The following ADARB1 variants were observed in gnomAD, a reference collection of about 807,000 sequenced individuals.
The protein encoded by ADARB1 is double-stranded RNA-specific editase 1.
Under a neutral mutation model 52.4 loss-of-function variants are expected in ADARB1, and 10 were observed. The observed-to-expected ratio is 0.19, with a 90% CI of 0.12 to 0.32. The LOEUF is 0.32. Ranked by LOEUF, ADARB1 falls within the 10% of genes least tolerant of loss-of-function variation. ADARB1 has a pLI of 1.00. For synonymous variants in ADARB1, 349 were observed against 371.1 expected, an observed-to-expected ratio of 0.94 and a Z score of 0.68; for missense variants, 643 against 922.3, an observed-to-expected ratio of 0.70 and a Z score of 3.92.
At chr21:45,125,405 G>A (rs1490885379) in intron 1 of ADARB1, among the ~76,000 whole-genome samples, 2 of 152,314 alleles carry the variant, frequency 1.3e-5, no homozygotes, top group African/African-American at 4.8e-5. Context: ...GCTGGCTCCC[G>A]CCTGGGGCTG....
At chr21:45,167,085 A>G (rs1336708867) in intron 2 of ADARB1, among the ~76,000 whole-genome samples, 1 of 152,206 alleles carries the variant, frequency 6.6e-6, no homozygotes, top group Non-Finnish European at 1.5e-5. Flanking sequence ...GCATTCGTCA[A>G]AACTGAAAAC....
intron 2 of ADARB1, chr21:45,145,227 AT>A (rs1276087067): frequency 6.6e-6 from 1 of 152,208 alleles, no homozygotes; most frequent in African/African-American, 2.4e-5. Context: ...CTGAAAGGAG[AT>A]TTTTATTACT....
intron 1 of ADARB1, among the ~76,000 whole-genome samples, chr21:45,075,645 G>A (rs983911500): frequency 2.0e-5 from 3 of 152,236 alleles, no homozygotes; most frequent in Admixed American, 6.5e-5. Context: ...ATGGGTGCGA[G>A]GGAAGGTGTC....
intron 2 of ADARB1, among the ~76,000 whole-genome samples, chr21:45,133,913 C>T (rs1182651939): frequency 8.6e-6 from 1 of 116,948 alleles, no homozygotes; most frequent in Non-Finnish European, 1.8e-5. Context: ...GGTGTGTGCC[C>T]GACAGTGGTG....
intron 6 of ADARB1, 39 bp downstream of exon 6, chr21:45,182,792 T>A (rs1163021670): frequency 3.3e-6 from 5 of 1,500,404 alleles, no homozygotes; most frequent in South Asian, 1.3e-5. Flanking sequence ...AAGCTCTTTT[T>A]AAAAAATATT....
intron 7 of ADARB1, 81 bp from the exon 8 acceptor site, chr21:45,184,842 A>T: frequency 7.2e-7 from 1 of 1,390,568 alleles, no homozygotes; most frequent in Non-Finnish European, 9.9e-7. Flanking sequence ...TTAAATTTAT[A>T]AGCTATTGTT....
rs945417875 is a variant in ADARB1, at chr21:45,183,410, G to C, written c.1296G>C (p.Gly432=). Residue 432 remains glycine, a synonymous_variant, in exon 7 of 11, where the codon GGG becomes GGC. Coordinates refer to ENST00000348831, the MANE Select transcript of ADARB1 (RefSeq NM_001112.4). The part of the protein sequence containing the change: ...KRSIFQKSER[G]GFRLKENVQF... The stretch of plus-strand genomic sequence containing the variant: ...CCATCTTTCAGAAATCAGAGCGAGG[G>C]GGGTTTAGGCTGAAGGAGAATGTCC... The C allele has an allele frequency of 5.0e-6, 8 of 1,608,636 alleles. No individual in the cohort carries two copies. The highest frequency in any genetic ancestry group is 6.8e-6 in the Non-Finnish European group (8 of 1,178,508).
Position 45,147,567 on chromosome 21 carries a change from A to C in ADARB1, c.-48+18994A>C, listed in dbSNP as rs185335409. On this transcript the variant is annotated intron_variant, in intron 2 of 10. Coordinates refer to ENST00000348831, the MANE Select transcript of ADARB1 (RefSeq NM_001112.4). ...ACTGGAGAGAGAAGGGGGTGGTCTG[A>C]TGTTTTCCACACGCCTCTTTTACCA... 1.5e-3 allele frequency among the ~76,000 whole-genome samples: 228 copies of C among 152,226 alleles called. 4 individuals carry two copies. The highest frequency in any genetic ancestry group is 4.4e-4 in the Non-Finnish European group (30 of 68,020).
chr21:45,109,245 G>A (rs534322814), intron 1 of ADARB1, among the ~76,000 whole-genome samples: 12 of 132,326 alleles, frequency 9.1e-5, no homozygotes, highest in Admixed American at 3.1e-4. Context: ...ATGTGTGTGC[G>A]CGCGTGTGCG....
chr21:45,210,234 T>C (rs978692052), intron 9 of ADARB1, among the ~76,000 whole-genome samples: 2 of 152,236 alleles, frequency 1.3e-5, no homozygotes, highest in African/African-American at 4.8e-5. Context: ...TGATTGGAAC[T>C]GTCTAGAAAA....
At chr21:45,081,725 C>T (rs567543106) in intron 1 of ADARB1, among the ~76,000 whole-genome samples, 28 of 152,280 alleles carry the variant, frequency 1.8e-4, no homozygotes, top group African/African-American at 6.3e-4. Context: ...GGGAAGGCCT[C>T]TCTGAGTGCG....
chr21:45,207,448 G>T (rs117821660), intron 9 of ADARB1, among the ~76,000 whole-genome samples: 2,286 of 152,290 alleles, frequency 0.015, 25 homozygotes, highest in Non-Finnish European at 0.021. Context: ...AATTGAAGCC[G>T]AAGGCAAGTA....
chr21:45,209,550 G>A (rs2092728424), intron 9 of ADARB1, among the ~76,000 whole-genome samples: 2 of 152,154 alleles, frequency 1.3e-5, no homozygotes, highest in African/African-American at 4.8e-5. Context: ...GGATGTCTGG[G>A]CTCTGCCCTA....
At chr21:45,187,712 A>T (rs1004904945) in intron 8 of ADARB1, among the ~76,000 whole-genome samples, 3 of 152,046 alleles carry the variant, frequency 2.0e-5, no homozygotes, top group African/African-American at 7.2e-5. Context: ...GAATGTATTT[A>T]TTATTATTAA....
chr21:45,122,518 A>G (rs532238083), intron 1 of ADARB1, among the ~76,000 whole-genome samples: 5 of 152,264 alleles, frequency 3.3e-5, no homozygotes, highest in Admixed American at 6.5e-5. Flanking sequence ...GAGTCATGCT[A>G]TTTTCAGAAG....
chr21:45,223,871 G>A lies in ADARB1; in HGVS notation c.*1674G>A. The A allele has an allele frequency of 2.0e-6, 2 of 985,528 alleles. No individual in the cohort carries two copies. The highest frequency in any genetic ancestry group is 2.4e-6 in the Non-Finnish European group (2 of 830,032). The allele number at this position is 985,528 out of a possible 1,614,324, so 61.0% of individuals were successfully genotyped here. On this transcript the variant is annotated 3_prime_UTR_variant, in exon 11 of 11. Transcript: ENST00000348831. ...GAAGGGGTGCTGCTTAGGGCTCATT[G>A]TTGGGGACATGACCGGGTTCAGCGG...
intron 1 of ADARB1, among the ~76,000 whole-genome samples, chr21:45,108,084 A>G (rs1433815405): frequency 6.6e-6 from 1 of 152,236 alleles, no homozygotes; most frequent in Non-Finnish European, 1.5e-5. Context: ...TTGCCTGACC[A>G]AAAACAAAAC....
At chr21:45,091,674 C>T (rs2086565820) in intron 1 of ADARB1, among the ~76,000 whole-genome samples, 1 of 152,166 alleles carries the variant, frequency 6.6e-6, no homozygotes, top group Non-Finnish European at 1.5e-5. Flanking sequence ...TCCTGGTCAC[C>T]AGCATCCTAC....
chr21:45,094,441 A>C lies in ADARB1; in HGVS notation c.-220+19648A>C, dbSNP rs138790716. 4.2e-3 allele frequency among the ~76,000 whole-genome samples: 633 copies of C among 152,348 alleles called. 4 individuals carry two copies. Among genetic ancestry groups the C allele is most frequent in the African/African-American group, 0.014 (602 of 41,586 alleles). Reference sequence around the variant, plus strand: ...GAGTTTTTGATTAATCCCCTAGGATACTTTTGAATGATAGGTTTTGGGGAG... The same window carrying C: ...GAGTTTTTGATTAATCCCCTAGGATCCTTTTGAATGATAGGTTTTGGGGAG... On this transcript the variant is annotated intron_variant, in intron 1 of 10. Transcript: ENST00000348831.
Sources: allele counts gnomAD v4.1 joint callset (sites outside exome capture counted in the v4.1 genomes callset), GRCh38; gene constraint gnomAD v4.1.1; transcripts MANE v1.5; gene names NCBI Gene and HGNC (gene_info 2026-07-23, HGNC 2026-07-21).